Variants in CEP63 observed in about 807,000 individuals in gnomAD.
CEP63 encodes the protein centrosomal protein of 63 kDa.
A neutral mutation model predicts 89.1 loss-of-function variants in CEP63; 84 were observed. That is an observed-to-expected ratio of 0.94 (90% CI 0.79 to 1.13). CEP63 has a LOEUF of 1.13. Ranked by LOEUF, CEP63 falls within the 50% of genes most tolerant of loss-of-function variation. The probability of loss-of-function intolerance (pLI) is 0.00; values close to 1 mark genes in which losing one functional copy is unlikely to be tolerated. For synonymous variants in CEP63, 267 were observed against 272.5 expected (o/e 0.98, Z 0.20); for missense variants, 838 against 813.3 (o/e 1.03, Z -0.37).
At chr3:134,697,963 C>T in the CEP63 span, among the ~76,000 whole-genome samples, 1 of 152,322 alleles carries the variant, frequency 6.6e-6, no homozygotes, top group East Asian at 1.9e-4. Context: ...ACACATGTCC[C>T]TCCGTTAGGA....
the CEP63 span, among the ~76,000 whole-genome samples, chr3:134,764,084 G>T: frequency 3.3e-5 from 5 of 152,216 alleles, no homozygotes; most frequent in African/African-American, 1.2e-4. Flanking sequence ...GAAGCATATG[G>T]TAGAACTATA....
chr3:134,604,317 G>T, the CEP63 span: 1 of 1,613,990 alleles, frequency 6.2e-7, no homozygotes, highest in South Asian at 1.1e-5. Flanking sequence ...CCTTGGCAAA[G>T]ATCTGCAGCT....
the CEP63 span, chr3:134,629,443 G>A: frequency 3.5e-6 from 2 of 569,742 alleles, no homozygotes; most frequent in Non-Finnish European, 6.3e-6. Flanking sequence ...GCGGTAGCTG[G>A]GTGTAGAGAA....
the CEP63 span, among the ~76,000 whole-genome samples, chr3:134,757,434 C>T: frequency 6.6e-6 from 1 of 152,188 alleles, no homozygotes; most frequent in Non-Finnish European, 1.5e-5. Context: ...TGGGCTAAAA[C>T]TCAGAACTCT....
At chr3:134,745,282 G>T in the CEP63 span, among the ~76,000 whole-genome samples, 11 of 152,188 alleles carry the variant, frequency 7.2e-5, no homozygotes, top group Non-Finnish European at 1.6e-4. Flanking sequence ...TGGACTTTTA[G>T]TTGTTTCAGT....
the CEP63 span, among the ~76,000 whole-genome samples, chr3:134,609,188 G>A: frequency 6.6e-5 from 10 of 152,218 alleles, no homozygotes; most frequent in Non-Finnish European, 1.2e-4. Context: ...GGAAGGCAGG[G>A]AGACAGAGTG....
intron 6 of CEP63, among the ~76,000 whole-genome samples, chr3:134,543,533 G>A (rs1952507328): frequency 6.6e-6 from 1 of 152,208 alleles, no homozygotes; most frequent in South Asian, 2.1e-4. Flanking sequence ...AGACTCACTG[G>A]TTAAAGTATG....
At chr3:134,530,168 C>T (rs1949576599) in intron 3 of CEP63, among the ~76,000 whole-genome samples, 1 of 152,112 alleles carries the variant, frequency 6.6e-6, no homozygotes, top group Admixed American at 6.5e-5. Flanking sequence ...CCACCGCGCC[C>T]AACAAGGTTA....
chr3:134,767,869 T>A, the CEP63 span, among the ~76,000 whole-genome samples: 1 of 152,220 alleles, frequency 6.6e-6, no homozygotes, highest in African/African-American at 2.4e-5. Flanking sequence ...CAGGGGCAGC[T>A]ATTCTAACCT....
the CEP63 span, among the ~76,000 whole-genome samples, chr3:134,731,417 T>C: frequency 6.6e-6 from 1 of 152,174 alleles, no homozygotes; most frequent in Non-Finnish European, 1.5e-5. Flanking sequence ...GACCACATAT[T>C]TGATCCCAAT....
chr3:134,636,707 C>T, the CEP63 span, among the ~76,000 whole-genome samples: 1 of 152,212 alleles, frequency 6.6e-6, no homozygotes, highest in East Asian at 1.9e-4. Flanking sequence ...TGCTTATTGT[C>T]TAAAGCTGCT....
chr3:134,733,780 C>A, the CEP63 span, among the ~76,000 whole-genome samples: 1 of 152,218 alleles, frequency 6.6e-6, no homozygotes, highest in Non-Finnish European at 1.5e-5. Flanking sequence ...TTGCCAAGAC[C>A]TTGATCTCAG....
chr3:134,551,555 A>G (rs983864258), intron 11 of CEP63, among the ~76,000 whole-genome samples: 11 of 152,080 alleles, frequency 7.2e-5, no homozygotes, highest in African/African-American at 2.7e-4. Context: ...CGTTGCAGGT[A>G]GAAGCCAAAT....
intron 3 of CEP63, among the ~76,000 whole-genome samples, chr3:134,528,553 G>GGTGTGTGTGTGTGC (rs779003136): frequency 4.6e-5 from 5 of 108,820 alleles, no homozygotes; most frequent in African/African-American, 1.3e-4. Context: ...CTTAAGGAGG[G>GGTGTGTGTGTGTGC]GTGTGTGTGT....
chr3:134,684,386 T>C, the CEP63 span, among the ~76,000 whole-genome samples: 2 of 152,230 alleles, frequency 1.3e-5, no homozygotes, highest in African/African-American at 4.8e-5. Flanking sequence ...TGGGGACATG[T>C]ATTTCTTGCT....
At chr3:134,756,615 A>G in the CEP63 span, among the ~76,000 whole-genome samples, 1 of 152,130 alleles carries the variant, frequency 6.6e-6, no homozygotes, top group Non-Finnish European at 1.5e-5. Flanking sequence ...TGGCCTCCCA[A>G]AGTGCTAGGA....
chr3:134,652,559 G>A, the CEP63 span, among the ~76,000 whole-genome samples: 1 of 150,318 alleles, frequency 6.7e-6, no homozygotes, highest in Non-Finnish European at 1.5e-5. Flanking sequence ...GCCATAGACA[G>A]GCAAGTGGAG....
chr3:134,747,629 C>G, the CEP63 span, among the ~76,000 whole-genome samples: 16 of 152,214 alleles, frequency 1.1e-4, no homozygotes, highest in Non-Finnish European at 1.3e-4. Context: ...TTCTGCTTCT[C>G]TGCTTCAGGC....
the CEP63 span, among the ~76,000 whole-genome samples, chr3:134,622,181 T>G: frequency 6.6e-6 from 1 of 152,196 alleles, no homozygotes; most frequent in Non-Finnish European, 1.5e-5. Flanking sequence ...AATGTAGAAT[T>G]ATCATATGAT....
Sources: allele counts gnomAD v4.1 joint callset (sites outside exome capture counted in the v4.1 genomes callset), GRCh38; gene constraint gnomAD v4.1.1; transcripts MANE v1.5; gene names NCBI Gene and HGNC (gene_info 2026-07-23, HGNC 2026-07-21).